COTL1: variants seen among roughly 807,000 people sequenced by gnomAD.
The protein encoded by COTL1 is coactosin-like protein.
COTL1 carries 15 observed loss-of-function variants against 16.5 expected under a neutral mutation model. That is an observed-to-expected ratio of 0.91 (90% CI 0.61 to 1.40). The LOEUF (loss-of-function observed/expected upper bound fraction) is 1.40, where lower values mean the gene tolerates loss of function less well. Ranked by LOEUF, COTL1 falls within the 40% of genes most tolerant of loss-of-function variation. The pLI, the probability that COTL1 is intolerant of heterozygous loss-of-function variation, is 0.00. For synonymous variants in COTL1, 112 were observed against 85.3 expected (o/e 1.31, Z -1.73); for missense variants, 220 against 201.5 (o/e 1.09, Z -0.56).
At chr16:84,617,626 C>T (rs1402468336) in intron 1 of COTL1, 43 bp from the exon 2 acceptor site, 1 of 1,534,258 alleles carries the variant, frequency 6.5e-7, no homozygotes, top group Admixed American at 2.0e-5. Flanking sequence ...CACATCAGCG[C>T]TGGTGGCCGC....
chr16:84,580,163 C>A (rs1028097929), intron 3 of COTL1, among the ~76,000 whole-genome samples: 1 of 152,224 alleles, frequency 6.6e-6, no homozygotes, highest in Non-Finnish European at 1.5e-5. Flanking sequence ...GGGCAGAATT[C>A]TTTGCTTATT....
intron 3 of COTL1, among the ~76,000 whole-genome samples, chr16:84,579,731 A>T (rs757426440): frequency 6.6e-6 from 1 of 152,218 alleles, no homozygotes; most frequent in South Asian, 2.1e-4. Context: ...TGCTTGTTTC[A>T]TAAGGGAATC....
At chr16:84,571,557 C>T (rs1008153243) in intron 3 of COTL1, among the ~76,000 whole-genome samples, 1 of 152,198 alleles carries the variant, frequency 6.6e-6, no homozygotes, top group African/African-American at 2.4e-5. Context: ...GTCTCCTCCT[C>T]GTGCTGCTCC....
intron 2 of COTL1, chr16:84,595,735 T>C (rs1309151580): frequency 2.0e-5 from 3 of 152,210 alleles, no homozygotes; most frequent in Admixed American, 6.5e-5. Context: ...TGTGTGCGTA[T>C]ATATTTGTGT....
chr16:84,574,455 G>A (rs558316969), intron 3 of COTL1, among the ~76,000 whole-genome samples: 168 of 152,280 alleles, frequency 1.1e-3, no homozygotes, highest in African/African-American at 1.7e-3. Context: ...GCTGCCAGAC[G>A]GGGGACTTCT....
At chr16:84,615,858 T>TGTGTGTGTGTGTGTGTGC (rs1555524990) in intron 2 of COTL1, 4 of 151,156 alleles carry the variant, frequency 2.6e-5, no homozygotes, top group African/African-American at 9.8e-5. Context: ...TAGTTTTGTG[T>TGTGTGTGTGTGTGTGTGC]GTGTGTGTGT....
rs573640853 is a variant in COTL1, at chr16:84,574,202, C to G, written c.319-7247G>C. On this transcript the variant is annotated intron_variant, in intron 3 of 3. Transcript: ENST00000262428. The stretch of plus-strand genomic sequence containing the variant: ...GACCAGCAACAACCCAGAGAGGGGA[C>G]GCAGTTCATCCCAGGGGACACAGCA... Among the ~76,000 whole-genome samples the G allele has an allele frequency of 1.6e-4, 25 of 152,138 alleles. 1 individual carries two copies.
chr16:84,585,524 C>A (rs1030764906), intron 3 of COTL1, among the ~76,000 whole-genome samples: 4 of 152,094 alleles, frequency 2.6e-5, no homozygotes, highest in Non-Finnish European at 5.9e-5. Flanking sequence ...AACTAAAAGC[C>A]AATCTACTTC....
intron 2 of COTL1, among the ~76,000 whole-genome samples, chr16:84,591,345 G>A (rs919822654): frequency 1.8e-4 from 27 of 151,478 alleles, no homozygotes; most frequent in African/African-American, 6.3e-4. Flanking sequence ...CACCACACCT[G>A]GCTAATTTTT....
chr16:84,585,200 T>G (rs1454324617), intron 3 of COTL1, among the ~76,000 whole-genome samples: 1 of 151,868 alleles, frequency 6.6e-6, no homozygotes, highest in East Asian at 1.9e-4. Context: ...ATCCCTCCAC[T>G]AAAATTAGCT....
rs900554524 is a variant in COTL1 at position 84,600,691 on chromosome 16, C to T, written c.161-10429G>A. Reference sequence around the variant, plus strand: ...CATTGTTTCTGCATTGGAGCTCACACTGTAAATGCGGTTTGATATCCCACG... The same window carrying T: ...CATTGTTTCTGCATTGGAGCTCACATTGTAAATGCGGTTTGATATCCCACG... On this transcript the variant is annotated intron_variant, in intron 2 of 3. Coordinates refer to ENST00000262428, the MANE Select transcript of COTL1 (RefSeq NM_021149.5). Among the ~76,000 whole-genome samples the T allele has an allele frequency of 2.6e-4, 39 of 152,196 alleles. 1 individual carries two copies. The highest frequency in any genetic ancestry group is 9.2e-4 in the African/African-American group (38 of 41,444).
intron 2 of COTL1, among the ~76,000 whole-genome samples, chr16:84,608,195 G>T (rs999527762): frequency 1.3e-5 from 2 of 152,182 alleles, no homozygotes; most frequent in African/African-American, 4.8e-5. Context: ...AAGAAAGGAT[G>T]GGAGACAAGG....
rs1905071208 is a variant in COTL1, at chr16:84,599,528, T to G, written c.161-9266A>C. ...CTGGGTCTTGTTATGGCCCCAGCACTGATCACCATGCCAGGCATGTCATAG... is the reference window on the plus strand; with the variant it reads ...CTGGGTCTTGTTATGGCCCCAGCACGGATCACCATGCCAGGCATGTCATAG... On this transcript the variant is annotated intron_variant, in intron 2 of 3. Transcript: ENST00000262428. 2.0e-5 allele frequency among the ~76,000 whole-genome samples: 3 copies of G among 152,202 alleles called. No individual in the cohort carries two copies. The South Asian group carries it at 6.2e-4, about 31-fold the overall frequency.
At chr16:84,600,001 G>A (rs142065507) in intron 2 of COTL1, among the ~76,000 whole-genome samples, 1 of 152,176 alleles carries the variant, frequency 6.6e-6, no homozygotes, top group Non-Finnish European at 1.5e-5. Context: ...GGAGGGCTCA[G>A]TGGCCGCCCA....
Position 84,617,585 on chromosome 16 carries a change from T to G in COTL1, c.78-2A>C, listed in dbSNP as rs1305066828. On this transcript the variant is annotated splice_acceptor_variant, in intron 1 of 3. Transcript: ENST00000262428. LOFTEE classifies it high-confidence loss of function. ...GAGCCGTCATATTTAAAAGTCACCC[T>G]TTGGGTTGGGAGAAGAAAAAAACAC... 6.4e-7 allele frequency: 1 copy of G among 1,554,010 alleles called. No individual in the cohort carries two copies.
At chr16:84,581,702 C>T (rs1904598201) in intron 3 of COTL1, among the ~76,000 whole-genome samples, 2 of 151,990 alleles carry the variant, frequency 1.3e-5, no homozygotes, top group African/African-American at 2.4e-5. Flanking sequence ...ATGAGAGTTC[C>T]CCATGTTGGC....
At chr16:84,581,724 C>T (rs908977775) in intron 3 of COTL1, among the ~76,000 whole-genome samples, 5 of 152,030 alleles carry the variant, frequency 3.3e-5, no homozygotes, top group East Asian at 1.9e-4. Flanking sequence ...TGGCTGGTCT[C>T]GAACTCCTGA....
intron 3 of COTL1, among the ~76,000 whole-genome samples, chr16:84,589,074 G>A (rs190789922): frequency 7.9e-5 from 12 of 151,244 alleles, no homozygotes; most frequent in Admixed American, 7.9e-4. Context: ...GGTTTCCAGC[G>A]AACCTCCCGC....
At chr16:84,613,114 C>T (rs528835334) in intron 2 of COTL1, among the ~76,000 whole-genome samples, 2 of 152,018 alleles carry the variant, frequency 1.3e-5, no homozygotes, top group African/African-American at 4.8e-5. Context: ...GATTCTCCCG[C>T]CTCAGTCTCC....
Sources: allele counts gnomAD v4.1 joint callset (sites outside exome capture counted in the v4.1 genomes callset), GRCh38; gene constraint gnomAD v4.1.1; transcripts MANE v1.5; gene names NCBI Gene and HGNC (gene_info 2026-07-23, HGNC 2026-07-21).